SORCS1: variants seen among roughly 807,000 people sequenced by gnomAD.
SORCS1 encodes VPS10 domain-containing receptor SorCS1.
A neutral mutation model predicts 146.1 loss-of-function variants in SORCS1; 60 were observed. The ratio of observed to expected loss-of-function variants is 0.41; its 90% CI spans 0.33 to 0.51. SORCS1 has a LOEUF of 0.51. Among genes scored for constraint, SORCS1 ranks in the 20% least tolerant of loss-of-function variants. The probability of loss-of-function intolerance (pLI) is 0.21; values close to 1 mark genes in which losing one functional copy is unlikely to be tolerated. For synonymous variants in SORCS1, 637 were observed against 584.0 expected (o/e 1.09, Z -1.31); for missense variants, 1,352 against 1,487.6 (o/e 0.91, Z 1.50).
intron 2 of SORCS1, among the ~76,000 whole-genome samples, chr10:106,946,770 G>A (rs1954367001): frequency 6.6e-6 from 1 of 152,156 alleles, no homozygotes; most frequent in African/African-American, 2.4e-5. Flanking sequence ...TCCACTGAAA[G>A]TCTGCTCTTA....
At chr10:106,729,170 A>G (rs1470410809) in intron 6 of SORCS1, among the ~76,000 whole-genome samples, 2 of 152,264 alleles carry the variant, frequency 1.3e-5, no homozygotes, top group Non-Finnish European at 2.9e-5. Flanking sequence ...TCACCTGAAT[A>G]GGCTCTGTGA....
intron 13 of SORCS1, 102 bp from the exon 14 acceptor site, chr10:106,675,258 T>A: frequency 1.2e-6 from 1 of 808,540 alleles, no homozygotes; most frequent in Non-Finnish European, 1.9e-6. Context: ...ATTTTAAAAG[T>A]AGCTGAGATT....
chr10:107,061,529 A>G (rs1961232255), intron 1 of SORCS1, among the ~76,000 whole-genome samples: 1 of 152,194 alleles, frequency 6.6e-6, no homozygotes, highest in African/African-American at 2.4e-5. Flanking sequence ...CAAGAGAAGA[A>G]AACCCTATAA....
chr10:106,979,561 A>T (rs1453367842), intron 1 of SORCS1, among the ~76,000 whole-genome samples: 1 of 152,138 alleles, frequency 6.6e-6, no homozygotes, highest in Non-Finnish European at 1.5e-5. Flanking sequence ...TTCTCTAAAA[A>T]AACAAAAACA....
At chr10:107,057,962 G>C (rs1160644381) in intron 1 of SORCS1, among the ~76,000 whole-genome samples, 1 of 152,130 alleles carries the variant, frequency 6.6e-6, no homozygotes, top group Non-Finnish European at 1.5e-5. Context: ...GGGACTACAG[G>C]CATGACCCAC....
At chr10:106,699,438 ACATT>A (rs1426157631) in intron 8 of SORCS1, 45 bp from the exon 9 acceptor site, 1 of 1,529,854 alleles carries the variant, frequency 6.5e-7, no homozygotes, top group East Asian at 2.4e-5. Flanking sequence ...AGAGTTTTAT[ACATT>A]AACCTGGCAG....
intron 1 of SORCS1, among the ~76,000 whole-genome samples, chr10:106,999,221 T>A (rs1957117159): frequency 6.6e-6 from 1 of 151,772 alleles, no homozygotes; most frequent in East Asian, 1.9e-4. Context: ...AACTGGCAAA[T>A]ATGGACACAC....
At chr10:106,618,033 T>C in intron 21 of SORCS1, 116 bp downstream of exon 21, 3 of 1,360,788 alleles carry the variant, frequency 2.2e-6, no homozygotes, top group Non-Finnish European at 3.0e-6. Flanking sequence ...TCTCAACTAC[T>C]GCCCTCCGTT....
chr10:107,119,583 G>A (rs1021901344), intron 1 of SORCS1, among the ~76,000 whole-genome samples: 3 of 152,144 alleles, frequency 2.0e-5, no homozygotes, highest in African/African-American at 7.2e-5. Flanking sequence ...CAGTGTTGAT[G>A]AGATAATCAT....
chr10:107,049,211 T>C (rs1008016657), intron 1 of SORCS1, among the ~76,000 whole-genome samples: 2 of 138,860 alleles, frequency 1.4e-5, no homozygotes, highest in Admixed American at 1.6e-4. Context: ...GTGGTGGGAA[T>C]TGAACAATGA....
At chr10:107,083,047 T>G (rs984889593) in intron 1 of SORCS1, among the ~76,000 whole-genome samples, 1 of 146,796 alleles carries the variant, frequency 6.8e-6, no homozygotes, top group Non-Finnish European at 1.5e-5. Flanking sequence ...AGGCAGAGCT[T>G]GCAGTGAGCC....
chr10:107,121,336 T>C (rs574996725), intron 1 of SORCS1, among the ~76,000 whole-genome samples: 11 of 152,294 alleles, frequency 7.2e-5, no homozygotes, highest in African/African-American at 2.4e-4. Context: ...ATAAAATGCA[T>C]GGACCTAGGC....
rs147157435 is a variant in SORCS1 at position 106,753,673 on chromosome 10, C to A, written c.959+7915G>T. The stretch of plus-strand genomic sequence containing the variant: ...GAAAATTTGGGGCAGCGATAATAGG[C>A]CAGGTATATTAAAAAAAAAAAAAAG... On this transcript the variant is annotated intron_variant, in intron 5 of 25. Coordinates refer to ENST00000263054, the MANE Select transcript of SORCS1 (RefSeq NM_052918.5). Among the ~76,000 whole-genome samples, 3 of 149,232 alleles carry A rather than the reference C, an allele frequency of 2.0e-5. No homozygotes were observed. The East Asian group carries it at 6.0e-4, about 30-fold the overall frequency.
chr10:106,813,097 C>T (rs925744347), intron 3 of SORCS1, among the ~76,000 whole-genome samples: 5 of 150,204 alleles, frequency 3.3e-5, no homozygotes, highest in South Asian at 2.1e-4. Flanking sequence ...GTAGGACAGG[C>T]GCATTTCTTT....
intron 2 of SORCS1, among the ~76,000 whole-genome samples, chr10:106,871,154 C>T (rs781255593): frequency 3.9e-5 from 6 of 152,162 alleles, no homozygotes; most frequent in Admixed American, 1.3e-4. Flanking sequence ...AATGAGATAA[C>T]ATCTCACACC....
chr10:106,858,886 A>C (rs1436483189), intron 2 of SORCS1, among the ~76,000 whole-genome samples: 1 of 152,200 alleles, frequency 6.6e-6, no homozygotes, highest in South Asian at 2.1e-4. Context: ...TTCTTATACA[A>C]ACACACAGTT....
chr10:106,759,784 C>T (rs1366745908), intron 5 of SORCS1, among the ~76,000 whole-genome samples: 2 of 152,104 alleles, frequency 1.3e-5, no homozygotes, highest in Non-Finnish European at 2.9e-5. Flanking sequence ...TTTTCCCATA[C>T]ACAGATTCCC....
chr10:106,739,923 C>T (rs1204536285), intron 5 of SORCS1, among the ~76,000 whole-genome samples: 1 of 150,146 alleles, frequency 6.7e-6, no homozygotes, highest in Non-Finnish European at 1.5e-5. Flanking sequence ...TGAGCTCCAG[C>T]CTGGGCGACA....
intron 2 of SORCS1, among the ~76,000 whole-genome samples, chr10:106,920,786 G>C (rs538260335): frequency 1.3e-5 from 2 of 152,248 alleles, no homozygotes; most frequent in Non-Finnish European, 2.9e-5. Context: ...TCTCTTGCTG[G>C]ATCTCTGCCT....
Sources: allele counts gnomAD v4.1 joint callset (sites outside exome capture counted in the v4.1 genomes callset), GRCh38; gene constraint gnomAD v4.1.1; transcripts MANE v1.5; gene names NCBI Gene and HGNC (gene_info 2026-07-23, HGNC 2026-07-21).